MTARC1: variants seen among roughly 807,000 people sequenced by gnomAD.
MTARC1 encodes the protein mitochondrial amidoxime-reducing component 1.
Under a neutral mutation model 33.6 loss-of-function variants are expected in MTARC1, and 24 were observed. That is an observed-to-expected ratio of 0.72 (90% CI 0.52 to 1.01). The LOEUF (loss-of-function observed/expected upper bound fraction) is 1.01. Ranked by LOEUF, MTARC1 falls within the 50% of genes least tolerant of loss-of-function variation. The pLI is 0.00. For synonymous variants in MTARC1, 187 were observed against 189.5 expected (o/e 0.99, Z 0.11); for missense variants, 417 against 445.7 (o/e 0.94, Z 0.58).
Position 220,798,022 on chromosome 1 carries a change from T to C in MTARC1, c.753+8T>C, listed in dbSNP as rs1276673868. The C allele has an allele frequency of 1.2e-6, 2 of 1,614,230 alleles. No individual in the cohort carries two copies. Among genetic ancestry groups the C allele is most frequent in the East Asian group, 4.5e-5 (2 of 44,882 alleles). ...TGCGATGTCTATGCAGAGGTAACAC[T>C]ATGCCCCTTTGGATCTTTCCTTGGA... On this transcript the variant is annotated splice_region_variant and intron_variant, in intron 4 of 6. Coordinates refer to ENST00000366910, the MANE Select transcript of MTARC1 (RefSeq NM_022746.4).
chr1:220,788,259 C>T (rs1291614448), intron 1 of MTARC1, among the ~76,000 whole-genome samples: 1 of 152,176 alleles, frequency 6.6e-6, no homozygotes, highest in Non-Finnish European at 1.5e-5. Flanking sequence ...ACCCGGGAGC[C>T]GGCAGCTTTG....
intron 3 of MTARC1, 183 bp from the exon 4 acceptor site, chr1:220,797,691 A>G (rs1441079128): frequency 5.0e-6 from 3 of 599,724 alleles, no homozygotes; most frequent in Non-Finnish European, 8.7e-6. Context: ...AGTTTCTGCT[A>G]TCTGCAAGGC....
chr1:220,810,113 T>A (rs116411802), intron 6 of MTARC1, among the ~76,000 whole-genome samples: 9 of 152,366 alleles, frequency 5.9e-5, no homozygotes, highest in Non-Finnish European at 8.8e-5. Flanking sequence ...TAGTTATGTT[T>A]CATGTTCATT....
chr1:220,803,795 T>G (rs963470755), intron 4 of MTARC1, among the ~76,000 whole-genome samples: 14 of 152,276 alleles, frequency 9.2e-5, no homozygotes, highest in African/African-American at 3.4e-4. Context: ...TATACCCTTT[T>G]TATGTGTTTT....
chr1:220,815,907 A>G lies in MTARC1; in HGVS notation c.*2489A>G, dbSNP rs1673269635. On this transcript the variant is annotated 3_prime_UTR_variant, in exon 7 of 7. Coordinates refer to ENST00000366910, the MANE Select transcript of MTARC1 (RefSeq NM_022746.4). ...CAGAGCTGGAGGTCTTGAAAAGGACAATGTGGGCCAGGCTCCGGAGGGGCT... is the reference window on the plus strand; with the variant it reads ...CAGAGCTGGAGGTCTTGAAAAGGACGATGTGGGCCAGGCTCCGGAGGGGCT... 1 of 152,180 alleles carries G rather than the reference A, an allele frequency of 6.6e-6. No individual in the cohort carries two copies. The highest frequency in any genetic ancestry group is 1.5e-5 in the Non-Finnish European group (1 of 68,034). 9.4% of individuals were successfully genotyped at this position (152,180 alleles called of 1,614,324 possible). A position where few individuals can be genotyped will look rare whatever the true frequency, so the allele number is the denominator to read the frequency against.
At position 220,818,633 on chromosome 1, in the gene MTARC1, T is replaced by C; in HGVS notation, c.*5215T>C. On this transcript the variant is annotated 3_prime_UTR_variant, in exon 7 of 7. Coordinates refer to ENST00000366910, the MANE Select transcript of MTARC1 (RefSeq NM_022746.4). ...CCCTCTACCAATCCCTGACCTGGTATTGGTCAGTCTCCAATCCTGGTGGAT... is the reference window on the plus strand; with the variant it reads ...CCCTCTACCAATCCCTGACCTGGTACTGGTCAGTCTCCAATCCTGGTGGAT... 6.6e-6 allele frequency: 1 copy of C among 152,200 alleles called. No individual in the cohort carries two copies. The highest frequency in any genetic ancestry group is 1.9e-4 in the East Asian group (1 of 5,196). 9.4% of individuals were successfully genotyped at this position (152,200 alleles called of 1,614,324 possible). A position where few individuals can be genotyped will look rare whatever the true frequency, so the allele number is the denominator to read the frequency against.
rs567514500 is a variant in MTARC1 at position 220,795,325 on chromosome 1, C to T, written c.450-1318C>T. 1.6e-4 allele frequency among the ~76,000 whole-genome samples: 25 copies of T among 152,242 alleles called. No individual in the cohort carries two copies. The South Asian group carries it at 5.0e-3, about 30-fold the overall frequency. On this transcript the variant is annotated intron_variant, in intron 2 of 6. Transcript: ENST00000366910. ...GAGTCTCAGAATAAGAAACTATCAC[C>T]AAGGCCATGGAGCTAGTCATTTGTG...
At chr1:220,793,455 G>C (rs960778953) in intron 2 of MTARC1, 1 of 152,192 alleles carries the variant, frequency 6.6e-6, no homozygotes, top group African/African-American at 2.4e-5. Context: ...ACATGCTACG[G>C]TAGTATACAG....
chr1:220,814,114 C>T lies in MTARC1; in HGVS notation c.*696C>T, dbSNP rs1424594593. Reference sequence around the variant, plus strand: ...TCCCCTCAGCTAATGACGGAGTGCTCCTTCTCCAGTTCCGGGTGAAAAAGT... The same window carrying T: ...TCCCCTCAGCTAATGACGGAGTGCTTCTTCTCCAGTTCCGGGTGAAAAAGT... On this transcript the variant is annotated 3_prime_UTR_variant, in exon 7 of 7. Coordinates refer to ENST00000366910, the MANE Select transcript of MTARC1 (RefSeq NM_022746.4). 1 of 152,218 alleles carries T rather than the reference C, an allele frequency of 6.6e-6. No individual in the cohort carries two copies. The highest frequency in any genetic ancestry group is 1.5e-5 in the Non-Finnish European group (1 of 68,074). The allele number at this position is 152,218 out of a possible 1,614,324, so 9.4% of individuals were successfully genotyped here. A position where few individuals can be genotyped will look rare whatever the true frequency, so the allele number is the denominator to read the frequency against.
chr1:220,791,457 G>T, intron 1 of MTARC1, 34 bp from the exon 2 acceptor site: 3 of 1,606,574 alleles, frequency 1.9e-6, no homozygotes, highest in Non-Finnish European at 2.6e-6. Flanking sequence ...CTGCCATAAT[G>T]GTTCACACAT....
At chr1:220,787,588 C>T (rs1672275085) in intron 1 of MTARC1, among the ~76,000 whole-genome samples, 1 of 152,056 alleles carries the variant, frequency 6.6e-6, no homozygotes, top group Non-Finnish European at 1.5e-5. Flanking sequence ...GGTTGGTTCC[C>T]AGTCGCTATT....
chr1:220,804,916 G>T, intron 4 of MTARC1, 136 bp from the exon 5 acceptor site: 1 of 928,450 alleles, frequency 1.1e-6, no homozygotes, highest in Non-Finnish European at 1.8e-6. Context: ...GGCAGAGCAG[G>T]GCTGGGGGAG....
chr1:220,798,461 G>C (rs11803233), intron 4 of MTARC1: 5 of 985,408 alleles, frequency 5.1e-6, no homozygotes, highest in Non-Finnish European at 6.0e-6. Context: ...TTGCCCCTAA[G>C]CTTCATGGCA....
chr1:220,798,218 T>C (rs1672683351), intron 4 of MTARC1: 1 of 1,499,378 alleles, frequency 6.7e-7, no homozygotes, highest in Admixed American at 2.0e-5. Flanking sequence ...GGTCAGAGAC[T>C]GTCATCAAGG....
At position 220,818,180 on chromosome 1, in the gene MTARC1, C is replaced by T. The variant is rs1351647145; in HGVS notation, c.*4762C>T. 5 of 152,220 alleles carry T rather than the reference C, an allele frequency of 3.3e-5. No individual in the cohort carries two copies. Among genetic ancestry groups the T allele is most frequent in the African/African-American group, 4.8e-5 (2 of 41,466 alleles). The allele number at this position is 152,220 out of a possible 1,614,324, so 9.4% of individuals were successfully genotyped here. A position where few individuals can be genotyped will look rare whatever the true frequency, so the allele number is the denominator to read the frequency against. ...AAAAGTCCCTGAGGCATCCCTTGGT[C>T]TGCTCTGACCACACTCTCTTCACAG... On this transcript the variant is annotated 3_prime_UTR_variant, in exon 7 of 7. Coordinates refer to ENST00000366910, the MANE Select transcript of MTARC1 (RefSeq NM_022746.4).
Position 220,797,925 on chromosome 1 carries a change from G to A in MTARC1, c.664G>A (p.Ala222Thr), listed in dbSNP as rs202245779. 1.1e-3 allele frequency: 1,846 copies of A among 1,614,178 alleles called. 34 individuals are homozygous for A. In the South Asian group the frequency reaches 0.019, roughly 16 times the overall value. Residue 222 changes from alanine to threonine, a missense_variant, in exon 4 of 7, where the codon GCG becomes ACG. Physicochemically the swap from Ala to Thr is moderately conservative, Grantham distance 58. Coordinates refer to ENST00000366910, the MANE Select transcript of MTARC1 (RefSeq NM_022746.4). ...CTTGATCCTTTCTGAGGCGTCGCTGGCGGATCTCAACTCCAGGCTAGAGAA... is the reference window on the plus strand; with the variant it reads ...CTTGATCCTTTCTGAGGCGTCGCTGACGGATCTCAACTCCAGGCTAGAGAA... ...PFLILSEASLADLNSRLEKKV... is the reference protein window; with the variant it reads ...PFLILSEASLTDLNSRLEKKV...
chr1:220,788,194 C>T (rs927809539), intron 1 of MTARC1, among the ~76,000 whole-genome samples: 1 of 152,160 alleles, frequency 6.6e-6, no homozygotes, highest in Admixed American at 6.5e-5. Context: ...TTGTTAATGT[C>T]CTGTCTGGGT....
rs111997659 is a variant in MTARC1 at position 220,813,282 on chromosome 1, C to T, written c.888-10C>T. On this transcript the variant is annotated splice_polypyrimidine_tract_variant and intron_variant, in intron 6 of 6. Transcript: ENST00000366910. ...TGGCTGTGACTCATCATGATCTTTT[C>T]CTATTGCAGTTATCGCCAGTGTGAC... The T allele has an allele frequency of 0.011, 17,533 of 1,613,988 alleles. 122 individuals carry two copies. The highest frequency in any genetic ancestry group is 0.014 in the Non-Finnish European group (16,115 of 1,179,972).
chr1:220,807,310 C>T (rs190681995), intron 6 of MTARC1, among the ~76,000 whole-genome samples: 20 of 152,244 alleles, frequency 1.3e-4, no homozygotes, highest in African/African-American at 3.1e-4. Flanking sequence ...AGGGCAGGCA[C>T]GATGGCTCAT....
Sources: allele counts gnomAD v4.1 joint callset (sites outside exome capture counted in the v4.1 genomes callset), GRCh38; gene constraint gnomAD v4.1.1; transcripts MANE v1.5; gene names NCBI Gene and HGNC (gene_info 2026-07-23, HGNC 2026-07-21).